Variants in ACACA observed in about 807,000 individuals in gnomAD.
ACACA encodes acetyl-CoA carboxylase 1.
ACACA carries 103 observed loss-of-function variants against 296.1 expected under a neutral mutation model. That is an observed-to-expected ratio of 0.35 (90% confidence interval 0.30 to 0.41). The LOEUF is 0.41. ACACA is among the 10% of genes least tolerant of loss of function. The pLI, the probability that ACACA is intolerant of heterozygous loss-of-function variation, is 1.00. For missense variants in ACACA, 1,554 were observed against 2,989.7 expected (o/e 0.52, Z 11.20); for synonymous variants, 953 against 1,038.6 (o/e 0.92, Z 1.58).
intron 3 of ACACA, among the ~76,000 whole-genome samples, chr17:37,316,353 T>G (rs1198880707): frequency 3.3e-5 from 5 of 149,566 alleles, no homozygotes; most frequent in African/African-American, 2.5e-5. Flanking sequence ...TTGCTAGCCT[T>G]TTTTCTGTTC....
In ACACA at chr17:37,259,387, A is replaced by G; in HGVS notation, c.1473T>C (p.Asp491=). 1.2e-6 allele frequency: 2 copies of G among 1,614,186 alleles called. No individual in the cohort carries two copies. Among genetic ancestry groups the G allele is most frequent in the Admixed American group, 1.7e-5 (1 of 60,022 alleles). ...GGAGCTGTGCTGCAGGGAGATTGAC[A>G]TCAGCCACCATCTCTGTACAAGGGT... ...VEHPCTEMVA[D]VNLPAAQLQI... is the part of the protein sequence containing the mutation. Residue 491 remains aspartate, a synonymous_variant, in exon 12 of 56, where the codon GAT becomes GAC. Transcript: ENST00000616317.
chr17:37,353,191 C>T (rs1426706957), intron 1 of ACACA, among the ~76,000 whole-genome samples: 2 of 152,098 alleles, frequency 1.3e-5, no homozygotes, highest in African/African-American at 4.8e-5. Flanking sequence ...AAGCATAAAA[C>T]AGGACCCAGC....
chr17:37,255,080 G>A (rs899223261), intron 14 of ACACA, among the ~76,000 whole-genome samples: 15 of 151,024 alleles, frequency 9.9e-5, no homozygotes, highest in African/African-American at 3.7e-4. Context: ...CAGCTTGGGC[G>A]ACAGAGCAAG....
intron 45 of ACACA, chr17:37,144,319 C>G (rs2075723003): frequency 1.9e-6 from 1 of 535,726 alleles, no homozygotes; most frequent in Non-Finnish European, 3.4e-6. Flanking sequence ...CAGCGAGGCA[C>G]AGAGTCACCC....
chr17:37,206,226 A>T (rs971145845), intron 32 of ACACA, among the ~76,000 whole-genome samples: 1 of 152,228 alleles, frequency 6.6e-6, no homozygotes, highest in Non-Finnish European at 1.5e-5. Context: ...AAAATGAGTG[A>T]TATAAGCCAT....
chr17:37,179,287 G>T lies in ACACA; in HGVS notation c.5052C>A (p.His1684Gln), dbSNP rs774423854. 3 of 1,614,122 alleles carry T rather than the reference G, an allele frequency of 1.9e-6. No homozygotes were observed. The East Asian group carries it at 6.7e-5, about 36-fold the overall frequency. ...LVLDDQGQLVHMNRLPGGNEI... is the reference protein window; with the variant it reads ...LVLDDQGQLVQMNRLPGGNEI... ...CATTTCCTCCTGGAAGCCTGTTCAT[G>T]TGGACCAGCTGACCTTGATCATCCA... Residue 1684 changes from histidine to glutamine, a missense_variant, in exon 41 of 56, where the codon CAC (histidine) becomes CAA (glutamine). Around this residue, in one of 16 missense-constraint regions of ACACA, gnomAD observed 553 missense variants for 1,043.6 expected, o/e 0.53. Coordinates refer to ENST00000616317, the MANE Select transcript of ACACA (RefSeq NM_198834.3).
Position 37,233,460 on chromosome 17 carries a change from G to A in ACACA, c.3246+1515C>T, listed in dbSNP as rs12937687. On this transcript the variant is annotated intron_variant, in intron 25 of 55. Coordinates refer to ENST00000616317, the MANE Select transcript of ACACA (RefSeq NM_198834.3). ...CTTGGACAATCATTACTCTTCCGCT[G>A]CTCCAAGGATTCTAGGCTTTGGTCT... Among the ~76,000 whole-genome samples the A allele has an allele frequency of 3.9e-3, 598 of 152,304 alleles. 3 individuals carry two copies. Among genetic ancestry groups the A allele is most frequent in the Non-Finnish European group, 6.9e-3 (471 of 68,024 alleles).
chr17:37,221,331 A>AT (rs2079278941), intron 29 of ACACA, among the ~76,000 whole-genome samples: 1 of 152,232 alleles, frequency 6.6e-6, no homozygotes, highest in Admixed American at 6.5e-5. Flanking sequence ...CATAGCAAAC[A>AT]TATAGAAAAG....
In ACACA at chr17:37,367,360, T is replaced by C. The variant is rs939351170; in HGVS notation, c.39-27510A>G. ...GGGGGTGAATACAGGCAAGCAAAAC[T>C]GAGAAGAACCGATTCTTGGTATTGG... is the stretch of plus-strand genomic sequence containing the variant. On this transcript the variant is annotated intron_variant, in intron 1 of 55. Coordinates refer to ENST00000616317, the MANE Select transcript of ACACA (RefSeq NM_198834.3). Among the ~76,000 whole-genome samples the C allele has an allele frequency of 4.3e-4, 65 of 152,210 alleles. 1 individual carries two copies. Among genetic ancestry groups the C allele is most frequent in the African/African-American group, 1.5e-3 (64 of 41,554 alleles).
intron 45 of ACACA, among the ~76,000 whole-genome samples, chr17:37,138,505 T>C (rs894648016): frequency 2.6e-5 from 4 of 152,184 alleles, no homozygotes; most frequent in African/African-American, 9.7e-5. Flanking sequence ...TGCTTGGAGA[T>C]TATTAAACTT....
chr17:37,363,033 C>CT lies in ACACA; in HGVS notation c.39-23184dup, dbSNP rs546785530. 4.2e-3 allele frequency among the ~76,000 whole-genome samples: 587 copies of CT among 140,014 alleles called. 2 individuals carry two copies. The highest frequency in any genetic ancestry group is 0.011 in the African/African-American group (415 of 38,564). 91.9% of individuals were successfully genotyped at this position (140,014 alleles called of 152,430 possible). On this transcript the variant is annotated intron_variant, in intron 1 of 55. Coordinates refer to ENST00000616317, the MANE Select transcript of ACACA (RefSeq NM_198834.3). ...TTGTTAAAAATGCAGATTCCCAGCC[C>CT]TTTTTTTTTTTTTTAATCACAACTA... is the stretch of plus-strand genomic sequence containing the variant.
chr17:37,130,445 T>C (rs1229329359), intron 45 of ACACA, among the ~76,000 whole-genome samples: 1 of 152,122 alleles, frequency 6.6e-6, no homozygotes, highest in Admixed American at 6.5e-5. Context: ...GGGCTTACTA[T>C]AGCATTAGGA....
intron 29 of ACACA, among the ~76,000 whole-genome samples, chr17:37,218,211 G>C (rs2079122971): frequency 6.8e-6 from 1 of 147,678 alleles, no homozygotes; most frequent in African/African-American, 2.5e-5. Context: ...GGTCTAAGTT[G>C]AACTGTCTAA....
At chr17:37,187,505 G>A (rs1212813482) in intron 39 of ACACA, among the ~76,000 whole-genome samples, 1 of 152,156 alleles carries the variant, frequency 6.6e-6, no homozygotes, top group Admixed American at 6.5e-5. Flanking sequence ...TGTGAACAAT[G>A]GTGAACCAAC....
At position 37,253,810 on chromosome 17, in the gene ACACA, T is replaced by C. The variant is rs186673200; in HGVS notation, c.1827-774A>G. Among the ~76,000 whole-genome samples the C allele has an allele frequency of 1.4e-3, 212 of 152,316 alleles. 1 individual carries two copies. The highest frequency in any genetic ancestry group is 2.4e-3 in the Non-Finnish European group (165 of 68,026). On this transcript the variant is annotated intron_variant, in intron 14 of 55. Coordinates refer to ENST00000616317, the MANE Select transcript of ACACA (RefSeq NM_198834.3). ...TACTTATTTTAAGTATACAGTTCAA[T>C]GAATTTTCCCAAGTGCTTAATTTAA...
At chr17:37,228,646 A>G (rs1365085447) in intron 25 of ACACA, among the ~76,000 whole-genome samples, 4 of 152,146 alleles carry the variant, frequency 2.6e-5, no homozygotes, top group Admixed American at 2.0e-4. Flanking sequence ...AAACCAACAT[A>G]ATTTTTTCCT....
chr17:37,111,386 G>C, intron 52 of ACACA, 145 bp downstream of exon 52: 1 of 733,090 alleles, frequency 1.4e-6, no homozygotes. Context: ...ATTCTACCAG[G>C]GTTCTTACCA....
At chr17:37,282,520 T>C (rs921924191) in intron 5 of ACACA, among the ~76,000 whole-genome samples, 36 of 152,204 alleles carry the variant, frequency 2.4e-4, no homozygotes, top group African/African-American at 8.2e-4. Flanking sequence ...ATAACCTTTC[T>C]TTCTTAGGAA....
At chr17:37,325,178 G>A (rs1382687632) in intron 3 of ACACA, among the ~76,000 whole-genome samples, 1 of 148,734 alleles carries the variant, frequency 6.7e-6, no homozygotes, top group African/African-American at 2.5e-5. Context: ...TCTAGCCTGG[G>A]GACAGAGCGA....
Sources: gnomAD v4.1 joint callset for allele counts (sites outside exome capture counted in the v4.1 genomes callset) on GRCh38, gnomAD v4.1.1 for gene constraint, gnomAD v4.1.1 regional missense constraint, MANE v1.5 for transcripts, NCBI Gene and HGNC (gene_info 2026-07-23, HGNC 2026-07-21) for gene names.